The following CLNK variants were observed in gnomAD, a reference collection of about 807,000 sequenced individuals.
CLNK encodes the protein cytokine-dependent hematopoietic cell linker.
In CLNK, 74 loss-of-function variants were observed where a neutral mutation model predicts 68.6. The ratio of observed to expected loss-of-function variants is 1.08; its 90% CI spans 0.89 to 1.31. The LOEUF (loss-of-function observed/expected upper bound fraction) is 1.31, where lower values mean the gene tolerates loss of function less well. Ranked by LOEUF, CLNK falls within the 50% of genes most tolerant of loss-of-function variation. The probability of loss-of-function intolerance (pLI) is 0.00; values close to 1 mark genes in which losing one functional copy is unlikely to be tolerated. For missense variants in CLNK, 553 were observed against 515.3 expected (o/e 1.07, Z -0.71); for synonymous variants, 198 against 172.2 (o/e 1.15, Z -1.17).
At chr4:10,505,773 T>A (rs780879981) in intron 17 of CLNK, among the ~76,000 whole-genome samples, 1 of 152,176 alleles carries the variant, frequency 6.6e-6, no homozygotes, top group Non-Finnish European at 1.5e-5. Context: ...AACTTCCCCA[T>A]CTCAACATCC....
the CLNK span, among the ~76,000 whole-genome samples, chr4:10,691,804 A>G: frequency 1.3e-5 from 2 of 152,196 alleles, no homozygotes; most frequent in African/African-American, 4.8e-5. Context: ...TGAAGCAAGA[A>G]TCAGATTAGG....
chr4:10,590,614 C>T (rs993118100), intron 3 of CLNK, among the ~76,000 whole-genome samples: 2 of 152,178 alleles, frequency 1.3e-5, no homozygotes, highest in Non-Finnish European at 2.9e-5. Context: ...AATTAACTGG[C>T]CCAGCTCCAC....
intron 4 of CLNK, among the ~76,000 whole-genome samples, chr4:10,576,958 GC>G (rs1405253523): frequency 6.6e-6 from 1 of 152,196 alleles, no homozygotes; most frequent in Admixed American, 6.5e-5. Context: ...CCATTTAGTG[GC>G]TTTGCAGGGA....
intron 14 of CLNK, among the ~76,000 whole-genome samples, chr4:10,524,732 T>G (rs1230469473): frequency 2.0e-5 from 3 of 152,132 alleles, no homozygotes; most frequent in Non-Finnish European, 2.9e-5. Flanking sequence ...GCAAATTATC[T>G]CCTGGATTCA....
intron 13 of CLNK, among the ~76,000 whole-genome samples, chr4:10,526,487 C>A (rs116652729): frequency 8.5e-5 from 13 of 152,252 alleles, no homozygotes; most frequent in Non-Finnish European, 1.8e-4. Flanking sequence ...AGTGACTATA[C>A]GTATGGCTAA....
At chr4:10,707,357 A>G in the CLNK span, among the ~76,000 whole-genome samples, 1 of 152,332 alleles carries the variant, frequency 6.6e-6, no homozygotes, top group African/African-American at 2.4e-5. Flanking sequence ...GCTTTAGACA[A>G]AGCCTAACTC....
intron 2 of CLNK, among the ~76,000 whole-genome samples, chr4:10,666,918 T>A (rs1371517843): frequency 6.6e-6 from 1 of 152,156 alleles, no homozygotes; most frequent in Non-Finnish European, 1.5e-5. Context: ...CCTGCTACTC[T>A]CTCTGTCTCT....
chr4:10,633,714 G>C (rs1325487992), intron 2 of CLNK, among the ~76,000 whole-genome samples: 2 of 152,094 alleles, frequency 1.3e-5, no homozygotes, highest in Admixed American at 1.3e-4. Context: ...ATGTAATTTG[G>C]CTGTATATAC....
intron 3 of CLNK, among the ~76,000 whole-genome samples, chr4:10,595,946 G>A (rs935157111): frequency 2.0e-5 from 3 of 152,166 alleles, no homozygotes; most frequent in Non-Finnish European, 4.4e-5. Flanking sequence ...GCACACCTCT[G>A]AGGTCATCCA....
At chr4:10,556,853 AG>A (rs1406773116) in intron 8 of CLNK, among the ~76,000 whole-genome samples, 2 of 152,108 alleles carry the variant, frequency 1.3e-5, no homozygotes, top group South Asian at 2.1e-4. Context: ...CGAGGTGGGC[AG>A]ATCACGAGGT....
In CLNK at chr4:10,578,431, G is replaced by T. The variant is rs1720651710; in HGVS notation, c.112+6496C>A. 2.6e-5 allele frequency among the ~76,000 whole-genome samples: 4 copies of T among 151,936 alleles called. No individual in the cohort carries two copies. In the South Asian group the frequency reaches 8.3e-4, roughly 32 times the overall value. On this transcript the variant is annotated intron_variant, in intron 4 of 18. Transcript: ENST00000226951. ...AGATTCGGTGGACACCATCATCTGG[G>T]TGTCCCCTTATCATAAGATTTAAAA...
At chr4:10,681,752 G>T (rs1438116617) in intron 1 of CLNK, among the ~76,000 whole-genome samples, 1 of 152,170 alleles carries the variant, frequency 6.6e-6, no homozygotes, top group Non-Finnish European at 1.5e-5. Flanking sequence ...AACATCAGCA[G>T]GGTACTCATG....
chr4:10,677,321 C>T (rs762357712), intron 1 of CLNK, among the ~76,000 whole-genome samples: 20 of 152,038 alleles, frequency 1.3e-4, no homozygotes, highest in Non-Finnish European at 2.8e-4. Context: ...TTATTAAGCA[C>T]CTGATGTATG....
At chr4:10,566,848 A>G (rs1232216532) in intron 5 of CLNK, among the ~76,000 whole-genome samples, 1 of 152,086 alleles carries the variant, frequency 6.6e-6, no homozygotes, top group Non-Finnish European at 1.5e-5. Flanking sequence ...GAAAACGATT[A>G]TATTAGCAAT....
chr4:10,692,499 C>T, the CLNK span, among the ~76,000 whole-genome samples: 5 of 152,116 alleles, frequency 3.3e-5, no homozygotes, highest in East Asian at 3.9e-4. Flanking sequence ...TGAGTGGCAA[C>T]GTGGCTCCCT....
At chr4:10,585,597 AT>A (rs1285649112) in intron 3 of CLNK, among the ~76,000 whole-genome samples, 1 of 152,140 alleles carries the variant, frequency 6.6e-6, no homozygotes, top group Non-Finnish European at 1.5e-5. Flanking sequence ...TTCTCAAACC[AT>A]TCATTGGCCA....
At chr4:10,573,443 C>T (rs1720425944) in intron 4 of CLNK, among the ~76,000 whole-genome samples, 1 of 152,182 alleles carries the variant, frequency 6.6e-6, no homozygotes, top group African/African-American at 2.4e-5. Flanking sequence ...CTGATGACAC[C>T]TTCCTGACCC....
Position 10,495,268 on chromosome 4 carries a change from C to T in CLNK, c.1141-4655G>A, listed in dbSNP as rs566483604. On this transcript the variant is annotated intron_variant, in intron 18 of 18. Coordinates refer to ENST00000226951, the MANE Select transcript of CLNK (RefSeq NM_052964.4). ...CTCTGAGATTTCACAGAAATGTTGA[C>T]AAACATGACTTATAAAACTGAGATG... Among the ~76,000 whole-genome samples the T allele has an allele frequency of 1.2e-4, 19 of 152,286 alleles. 2 individuals carry two copies. The East Asian group carries it at 3.5e-3, about 28-fold the overall frequency.
At chr4:10,608,928 G>T (rs1337075825) in intron 2 of CLNK, among the ~76,000 whole-genome samples, 1 of 152,046 alleles carries the variant, frequency 6.6e-6, no homozygotes, top group African/African-American at 2.4e-5. Flanking sequence ...TCCTCACGTG[G>T]CCAAAAAAAT....
Sources: allele counts gnomAD v4.1 joint callset (sites outside exome capture counted in the v4.1 genomes callset), GRCh38; gene constraint gnomAD v4.1.1; transcripts MANE v1.5; gene names NCBI Gene and HGNC (gene_info 2026-07-23, HGNC 2026-07-21).